The following ACAT2 variants were observed in gnomAD, a reference collection of about 807,000 sequenced individuals.
The protein encoded by ACAT2 is acetyl-CoA acetyltransferase, cytosolic.
In ACAT2, 26 loss-of-function variants were observed where a neutral mutation model predicts 37.1. That is an observed-to-expected ratio of 0.70 (90% CI 0.51 to 0.97). The LOEUF (loss-of-function observed/expected upper bound fraction) is 0.97, where lower values mean the gene tolerates loss of function less well. Ranked by LOEUF, ACAT2 falls within the 50% of genes least tolerant of loss-of-function variation. The pLI, the probability that ACAT2 is intolerant of heterozygous loss-of-function variation, is 0.00. For synonymous variants in ACAT2, 156 were observed against 163.6 expected (o/e 0.95, Z 0.35); for missense variants, 468 against 489.0 (o/e 0.96, Z 0.40).
rs545546592 is a variant in ACAT2, at chr6:159,775,528, C to T, written c.634+215C>T. 23 of 522,614 alleles carry T rather than the reference C, an allele frequency of 4.4e-5. No homozygotes were observed. The South Asian group carries it at 5.7e-4, about 13-fold the overall frequency. 32.4% of individuals were successfully genotyped at this position (522,614 alleles called of 1,614,324 possible). ...TGTCAGCACTCAAGCACTCTTGGTT[C>T]CAGAGCGTCCATGACCACTGTGCAC... On this transcript the variant is annotated intron_variant, in intron 5 of 8. Coordinates refer to ENST00000367048, the MANE Select transcript of ACAT2 (RefSeq NM_005891.3).
In ACAT2 at chr6:159,778,785, A is replaced by G. The variant is rs771309893; in HGVS notation, c.1150A>G (p.Ile384Val). 3.1e-6 allele frequency: 5 copies of G among 1,614,198 alleles called. No homozygotes were observed. Among genetic ancestry groups the G allele is most frequent in the East Asian group, 2.2e-5 (1 of 44,876 alleles). Residue 384 changes from isoleucine to valine, a missense_variant, in exon 9 of 9, where the codon ATT (isoleucine) becomes GTT (valine). Physicochemically the swap from Ile to Val is conservative, Grantham distance 29. Coordinates refer to ENST00000367048, the MANE Select transcript of ACAT2 (RefSeq NM_005891.3). ...AAGTCGTGGTGTTGCAGCCCTGTGCATTGGGGGTGGGATGGGAATAGCAAT... is the reference window on the plus strand; with the variant it reads ...AAGTCGTGGTGTTGCAGCCCTGTGCGTTGGGGGTGGGATGGGAATAGCAAT... Reference protein sequence around the residue: ...GRSRGVAALCIGGGMGIAMCV... With the variant: ...GRSRGVAALCVGGGMGIAMCV...
Sources: allele counts gnomAD v4.1 joint callset, GRCh38; gene constraint gnomAD v4.1.1; transcripts MANE v1.5; gene names NCBI Gene and HGNC (gene_info 2026-07-23, HGNC 2026-07-21).